Variants in LARP1B observed in about 807,000 individuals in gnomAD.
The protein encoded by LARP1B is la-related protein 1B.
A neutral mutation model predicts 114.2 loss-of-function variants in LARP1B; 76 were observed. That is an observed-to-expected ratio of 0.67 (90% CI 0.55 to 0.81). LARP1B has a LOEUF of 0.81. LARP1B is among the 30% of genes least tolerant of loss of function. The pLI, the probability that LARP1B is intolerant of heterozygous loss-of-function variation, is 0.00. For synonymous variants in LARP1B, 345 were observed against 348.0 expected, an observed-to-expected ratio of 0.99 and a Z score of 0.10; for missense variants, 1,014 against 1,075.8, an observed-to-expected ratio of 0.94 and a Z score of 0.80.
intron 19 of LARP1B, 123 bp downstream of exon 19, chr4:128,207,506 C>CTTTGAAA: frequency 1.7e-6 from 1 of 580,018 alleles, no homozygotes. Flanking sequence ...TAAAATTAAA[C>CTTTGAAA]TTTGAAATAG....
intron 11 of LARP1B, chr4:128,155,762 G>T: frequency 6.2e-7 from 1 of 1,605,954 alleles, no homozygotes; most frequent in Admixed American, 1.7e-5. Flanking sequence ...TGTAGGAACT[G>T]GAGGAAGGAA....
At chr4:128,183,456 G>T (rs1008302531) in intron 15 of LARP1B, among the ~76,000 whole-genome samples, 1 of 152,058 alleles carries the variant, frequency 6.6e-6, no homozygotes, top group Non-Finnish European at 1.5e-5. Flanking sequence ...TTACAATGTG[G>T]GTTACTAAAT....
chr4:128,117,546 C>G (rs184461331), intron 10 of LARP1B, among the ~76,000 whole-genome samples: 168 of 152,170 alleles, frequency 1.1e-3, no homozygotes, highest in Non-Finnish European at 1.1e-3. Context: ...CCACCACACC[C>G]AGCTAATTTT....
At chr4:128,087,035 TC>T (rs1300861665) in intron 5 of LARP1B, among the ~76,000 whole-genome samples, 2 of 152,244 alleles carry the variant, frequency 1.3e-5, no homozygotes, top group African/African-American at 4.8e-5. Flanking sequence ...TTCTCCTGCC[TC>T]AGCCTCCCGA....
At chr4:128,207,767 G>T (rs747310008) in intron 19 of LARP1B, among the ~76,000 whole-genome samples, 1 of 152,156 alleles carries the variant, frequency 6.6e-6, no homozygotes, top group Non-Finnish European at 1.5e-5. Context: ...TGGATTTAGG[G>T]TACCTGCATA....
intron 1 of LARP1B, among the ~76,000 whole-genome samples, chr4:128,066,972 T>G (rs1157280641): frequency 6.7e-6 from 1 of 148,410 alleles, no homozygotes; most frequent in Non-Finnish European, 1.5e-5. Context: ...CGGCTAATTA[T>G]TTTTTTTTAA....
intron 11 of LARP1B, among the ~76,000 whole-genome samples, chr4:128,151,305 CAAG>C (rs1732683777): frequency 6.6e-6 from 1 of 152,168 alleles, no homozygotes; most frequent in Non-Finnish European, 1.5e-5. Context: ...ATCAAAAACA[CAAG>C]AAGTTTAACA....
intron 19 of LARP1B, among the ~76,000 whole-genome samples, chr4:128,208,485 G>T (rs1441234464): frequency 6.6e-6 from 1 of 152,194 alleles, no homozygotes; most frequent in Non-Finnish European, 1.5e-5. Context: ...TAATAAAAGT[G>T]CCTGTCTCTG....
chr4:128,093,927 T>C (rs1347960094), intron 7 of LARP1B, among the ~76,000 whole-genome samples: 1 of 151,906 alleles, frequency 6.6e-6, no homozygotes, highest in Non-Finnish European at 1.5e-5. Flanking sequence ...GTCAGGCTGG[T>C]CTCAAACTCC....
At chr4:128,066,944 C>T (rs529410235) in intron 1 of LARP1B, among the ~76,000 whole-genome samples, 50 of 151,640 alleles carry the variant, frequency 3.3e-4, no homozygotes, top group African/African-American at 1.1e-3. Flanking sequence ...ACTACAGGCG[C>T]GCGCAACCAT....
chr4:128,203,010 C>T (rs1440332863), intron 17 of LARP1B, among the ~76,000 whole-genome samples: 6 of 152,088 alleles, frequency 3.9e-5, no homozygotes, highest in Non-Finnish European at 8.8e-5. Flanking sequence ...CTAGCCTGGC[C>T]AACATGGCAA....
At chr4:128,135,164 A>G (rs1027595449) in intron 11 of LARP1B, among the ~76,000 whole-genome samples, 3 of 151,952 alleles carry the variant, frequency 2.0e-5, no homozygotes, top group African/African-American at 7.2e-5. Context: ...CAAACATTTG[A>G]AAAGATGCTC....
chr4:128,178,428 C>T lies in LARP1B; in HGVS notation c.1685-3C>T, dbSNP rs1043914747. Reference sequence around the variant, plus strand: ...ATAATTTTAAGAGTTTTTTATTTTGCAGATTTGACTGATGAATTAGCTCAG... The same window carrying T: ...ATAATTTTAAGAGTTTTTTATTTTGTAGATTTGACTGATGAATTAGCTCAG... On this transcript the variant is annotated splice_polypyrimidine_tract_variant and splice_region_variant and intron_variant, in intron 13 of 19. Coordinates refer to ENST00000326639, the MANE Select transcript of LARP1B (RefSeq NM_018078.4). 11 of 1,594,154 alleles carry T rather than the reference C, an allele frequency of 6.9e-6. No individual in the cohort carries two copies. Among genetic ancestry groups the T allele is most frequent in the Non-Finnish European group, 9.4e-6 (11 of 1,169,592 alleles).
chr4:128,221,507 C>A (rs1220995350), intron 7 of LARP1B, among the ~76,000 whole-genome samples: 1 of 152,304 alleles, frequency 6.6e-6, no homozygotes, highest in Middle Eastern at 3.4e-3. Context: ...CAATATACTG[C>A]ACGTATTAGC....
chr4:128,120,540 C>T (rs1295166692), intron 10 of LARP1B, among the ~76,000 whole-genome samples: 1 of 151,456 alleles, frequency 6.6e-6, no homozygotes, highest in African/African-American at 2.4e-5. Flanking sequence ...CCTCCGCCTC[C>T]AGGGTTCAAG....
At chr4:128,167,678 G>T (rs1018248327) in intron 12 of LARP1B, among the ~76,000 whole-genome samples, 2 of 152,076 alleles carry the variant, frequency 1.3e-5, no homozygotes, top group Non-Finnish European at 2.9e-5. Flanking sequence ...CACCATTTAT[G>T]TATATTATTT....
chr4:128,125,703 G>A (rs924981468), intron 11 of LARP1B, among the ~76,000 whole-genome samples: 11 of 152,186 alleles, frequency 7.2e-5, no homozygotes, highest in African/African-American at 2.4e-4. Context: ...TGGAGATCAC[G>A]TCAATGCATT....
At chr4:128,195,843 C>T (rs150415637) in intron 15 of LARP1B, among the ~76,000 whole-genome samples, 20 of 152,150 alleles carry the variant, frequency 1.3e-4, no homozygotes, top group African/African-American at 3.6e-4. Flanking sequence ...ACAAAATTGA[C>T]GAAACTTTAG....
intron 8 of LARP1B, among the ~76,000 whole-genome samples, chr4:128,098,764 T>TATATATATATAC (rs1779104802): frequency 2.5e-5 from 1 of 40,758 alleles, no homozygotes; most frequent in Non-Finnish European, 4.8e-5. Context: ...TATATATATA[T>TATATATATATAC]ATATTTTTTT....
Sources: gnomAD v4.1 joint callset for allele counts (sites outside exome capture counted in the v4.1 genomes callset) on GRCh38, gnomAD v4.1.1 for gene constraint, MANE v1.5 for transcripts, NCBI Gene and HGNC (gene_info 2026-07-23, HGNC 2026-07-21) for gene names.